ELMOD2: variants seen among roughly 807,000 people sequenced by gnomAD.
The protein encoded by ELMOD2 is ELMO domain-containing protein 2.
ELMOD2 carries 28 observed loss-of-function variants against 41.0 expected under a neutral mutation model. The ratio of observed to expected loss-of-function variants is 0.68; its 90% CI spans 0.51 to 0.94. ELMOD2 has a LOEUF of 0.94. ELMOD2 is among the 40% of genes least tolerant of loss of function. ELMOD2 has a pLI of 0.00. For synonymous variants in ELMOD2, 106 were observed against 107.2 expected (o/e 0.99, Z 0.07); for missense variants, 333 against 343.1 (o/e 0.97, Z 0.23).
chr4:140,531,670 A>G (rs554752432), intron 3 of ELMOD2, among the ~76,000 whole-genome samples: 63 of 152,336 alleles, frequency 4.1e-4, no homozygotes, highest in African/African-American at 1.4e-3. Flanking sequence ...AGTGATGCAC[A>G]TTTGCATTTT....
chr4:140,530,159 A>G (rs1289972841), intron 3 of ELMOD2, among the ~76,000 whole-genome samples: 2 of 152,244 alleles, frequency 1.3e-5, no homozygotes, highest in Non-Finnish European at 2.9e-5. Context: ...GGGACTCAGT[A>G]TCACATCTAT....
At chr4:140,533,954 C>T (rs568614333) in intron 3 of ELMOD2, among the ~76,000 whole-genome samples, 11 of 151,994 alleles carry the variant, frequency 7.2e-5, no homozygotes, top group East Asian at 3.9e-4. Flanking sequence ...ATGAAATAGA[C>T]GAACAACACT....
At chr4:140,532,160 TG>T (rs1309284072) in intron 3 of ELMOD2, among the ~76,000 whole-genome samples, 1 of 148,436 alleles carries the variant, frequency 6.7e-6, no homozygotes, top group Non-Finnish European at 1.5e-5. Context: ...TATGTCATGT[TG>T]AGTTGTTTTT....
intron 3 of ELMOD2, 78 bp from the exon 4 acceptor site, chr4:140,535,655 G>A: frequency 3.0e-6 from 4 of 1,316,630 alleles, no homozygotes; most frequent in Non-Finnish European, 4.3e-6. Flanking sequence ...ACTTTGTAAG[G>A]TTGATTAAAT....
intron 2 of ELMOD2, 121 bp from the exon 3 acceptor site, chr4:140,527,345 T>G (rs917711499): frequency 5.0e-6 from 4 of 799,194 alleles, no homozygotes; most frequent in Non-Finnish European, 4.1e-6. Flanking sequence ...TATATAGAAA[T>G]TATATCTCCT....
intron 8 of ELMOD2, among the ~76,000 whole-genome samples, 178 bp from the exon 9 acceptor site, chr4:140,550,052 C>CTAAATCGT (rs2110889444): frequency 6.6e-6 from 1 of 152,164 alleles, no homozygotes; most frequent in South Asian, 2.1e-4. Flanking sequence ...TAAATATACA[C>CTAAATCGT]TAAATCGTTT....
intron 8 of ELMOD2, among the ~76,000 whole-genome samples, chr4:140,546,500 A>G (rs1735289383): frequency 6.6e-6 from 1 of 151,548 alleles, no homozygotes; most frequent in South Asian, 2.1e-4. Context: ...ATATATATAA[A>G]TAAATGTAAA....
At position 140,540,377 on chromosome 4, in the gene ELMOD2, A is replaced by G. The variant is rs563979162; in HGVS notation, c.533+76A>G. ...CTCTGATCTAGTTACTTCTAATAAG[A>G]AGTGATCTAGTTGATTCATACTATC... On this transcript the variant is annotated intron_variant, in intron 6 of 8. Coordinates refer to ENST00000323570, the MANE Select transcript of ELMOD2 (RefSeq NM_153702.4). 8 of 1,551,286 alleles carry G rather than the reference A, an allele frequency of 5.2e-6. No homozygotes were observed. The South Asian group carries it at 8.3e-5, about 16-fold the overall frequency.
At chr4:140,542,296 GT>G (rs567487070) in intron 6 of ELMOD2, 5,182 of 194,226 alleles carry the variant, frequency 0.027, 21 homozygotes, top group Middle Eastern at 0.058. Context: ...AACTTTGGTT[GT>G]TTTTTTTTTT....
chr4:140,542,741 A>T, intron 7 of ELMOD2, 99 bp downstream of exon 7: 1 of 943,078 alleles, frequency 1.1e-6, no homozygotes, highest in Non-Finnish European at 1.5e-6. Context: ...CTTAAAATAA[A>T]GTATTTTAAT....
At chr4:140,525,191 T>C (rs982850704) in intron 1 of ELMOD2, 1 of 393,492 alleles carries the variant, frequency 2.5e-6, no homozygotes, top group Non-Finnish European at 4.5e-6. Context: ...TTTGAGTACA[T>C]TGTTTGAATT....
At chr4:140,542,694 G>T in intron 7 of ELMOD2, 52 bp downstream of exon 7, 2 of 1,323,364 alleles carry the variant, frequency 1.5e-6, no homozygotes, top group Non-Finnish European at 1.0e-6. Flanking sequence ...ATAATGATTA[G>T]ATGATTTAAT....
At chr4:140,527,654 T>C in intron 3 of ELMOD2, 160 bp downstream of exon 3, 2 of 576,766 alleles carry the variant, frequency 3.5e-6, no homozygotes, top group Non-Finnish European at 3.0e-6. Context: ...CATTTCTCTA[T>C]ATATGTGTTT....
intron 3 of ELMOD2, among the ~76,000 whole-genome samples, chr4:140,532,036 A>C (rs1444202115): frequency 2.0e-5 from 3 of 152,228 alleles, no homozygotes; most frequent in Non-Finnish European, 4.4e-5. Flanking sequence ...CTAAAGCCAG[A>C]TATAGACAAT....
At position 140,541,979 on chromosome 4, in the gene ELMOD2, C is replaced by A. The variant is rs140968981; in HGVS notation, c.534-595C>A. On this transcript the variant is annotated intron_variant, in intron 6 of 8. Coordinates refer to ENST00000323570, the MANE Select transcript of ELMOD2 (RefSeq NM_153702.4). Reference sequence around the variant, plus strand: ...TGTGTGTCTATCATTTTGAGGTGATCCTAAGGTTAAATAGATTTGGTGTAG... The same window carrying A: ...TGTGTGTCTATCATTTTGAGGTGATACTAAGGTTAAATAGATTTGGTGTAG... Among the ~76,000 whole-genome samples the A allele has an allele frequency of 5.9e-5, 9 of 151,938 alleles. No homozygotes were observed. In the East Asian group the frequency reaches 1.7e-3, roughly 29 times the overall value.
intron 2 of ELMOD2, among the ~76,000 whole-genome samples, chr4:140,526,447 G>A (rs551179274): frequency 6.6e-6 from 1 of 152,294 alleles, no homozygotes; most frequent in East Asian, 1.9e-4. Context: ...CTTCTTTTCA[G>A]CCAGGGTAAG....
At chr4:140,548,574 A>G (rs1488714122) in intron 8 of ELMOD2, among the ~76,000 whole-genome samples, 1 of 152,114 alleles carries the variant, frequency 6.6e-6, no homozygotes, top group Non-Finnish European at 1.5e-5. Flanking sequence ...ATAGTAAGCA[A>G]TCATGATAGT....
chr4:140,551,666 C>T lies in ELMOD2; in HGVS notation c.*1291C>T, dbSNP rs756650274. On this transcript the variant is annotated 3_prime_UTR_variant, in exon 9 of 9. Coordinates refer to ENST00000323570, the MANE Select transcript of ELMOD2 (RefSeq NM_153702.4). Reference sequence around the variant, plus strand: ...CAACCTTTTAAGGACATAATTTCATCTAAAACATGACGATATTTAGCACAC... The same window carrying T: ...CAACCTTTTAAGGACATAATTTCATTTAAAACATGACGATATTTAGCACAC... 6.6e-6 allele frequency: 1 copy of T among 152,066 alleles called. No individual in the cohort carries two copies. Among genetic ancestry groups the T allele is most frequent in the East Asian group, 1.9e-4 (1 of 5,200 alleles). 9.4% of individuals were successfully genotyped at this position (152,066 alleles called of 1,614,324 possible).
At chr4:140,541,957 G>C (rs1223007870) in intron 6 of ELMOD2, among the ~76,000 whole-genome samples, 1 of 152,012 alleles carries the variant, frequency 6.6e-6, no homozygotes, top group Non-Finnish European at 1.5e-5. Flanking sequence ...AGTTGTGTGT[G>C]TGTCTATCAT....
Sources: allele counts gnomAD v4.1 joint callset (sites outside exome capture counted in the v4.1 genomes callset), GRCh38; gene constraint gnomAD v4.1.1; transcripts MANE v1.5; gene names NCBI Gene and HGNC (gene_info 2026-07-23, HGNC 2026-07-21).